Variants in KRABD3 observed in about 807,000 individuals in gnomAD.
The protein encoded by KRABD3 is KRAB domain-containing protein 3.
the KRABD3 span, among the ~76,000 whole-genome samples, chr7:149,728,984 AG>A: frequency 6.6e-6 from 1 of 152,150 alleles, no homozygotes; most frequent in Non-Finnish European, 1.5e-5. Flanking sequence ...CTCCAAGCCC[AG>A]GGGTCCACGC....
chr7:149,722,510 G>A, the KRABD3 span: 1 of 1,569,266 alleles, frequency 6.4e-7, no homozygotes, highest in Non-Finnish European at 8.7e-7. Flanking sequence ...GCCCCAGCAG[G>A]AGGAAGAGCC....
the KRABD3 span, chr7:149,715,145 C>G: frequency 1.6e-6 from 2 of 1,230,000 alleles, no homozygotes; most frequent in Admixed American, 4.2e-5. Context: ...TGGGACCCCC[C>G]CGCAACTTCG....
At chr7:149,725,331 C>T in the KRABD3 span, 3 of 1,593,190 alleles carry the variant, frequency 1.9e-6, no homozygotes, top group Non-Finnish European at 2.6e-6. Flanking sequence ...GTGCCTCAAG[C>T]TCACCGCTGG....
chr7:149,724,502 G>A, the KRABD3 span: 1 of 522,558 alleles, frequency 1.9e-6, no homozygotes, highest in Non-Finnish European at 3.2e-6. Context: ...GTCTCTGCTG[G>A]TGATTGACAA....
At chr7:149,722,751 A>G in the KRABD3 span, 2 of 1,578,596 alleles carry the variant, frequency 1.3e-6, no homozygotes, top group South Asian at 2.4e-5. Context: ...TCAGGACTGC[A>G]CTGACCCAGG....
At chr7:149,721,124 G>A in the KRABD3 span, 3 of 1,276,214 alleles carry the variant, frequency 2.4e-6, no homozygotes, top group African/African-American at 3.0e-5. Context: ...GTTCCTCGTG[G>A]CTAGGCCGTG....
chr7:149,714,953 C>A, the KRABD3 span: 1 of 1,006,014 alleles, frequency 9.9e-7, no homozygotes, highest in Non-Finnish European at 1.3e-6. Context: ...CCGGCCCCGC[C>A]TTCTCCTGCG....
chr7:149,721,978 G>T, the KRABD3 span: 49 of 368,660 alleles, frequency 1.3e-4, no homozygotes, highest in Non-Finnish European at 1.6e-4. Context: ...AATTTTGCAT[G>T]TCTGTTTTTA....
chr7:149,723,211 A>G, the KRABD3 span, among the ~76,000 whole-genome samples: 1 of 152,320 alleles, frequency 6.6e-6, no homozygotes, highest in African/African-American at 2.4e-5. Context: ...CCCGAGGGGA[A>G]GAGCTGCAGA....
chr7:149,733,793 G>T, the KRABD3 span: 1 of 1,603,090 alleles, frequency 6.2e-7, no homozygotes, highest in Non-Finnish European at 8.5e-7. Flanking sequence ...TGCGCCGCCT[G>T]CACACCCCCT....
At chr7:149,719,312 C>T in the KRABD3 span, 1 of 417,604 alleles carries the variant, frequency 2.4e-6, no homozygotes. The surrounding 1 kb of genome is among the most constrained non-coding windows in gnomAD (Gnocchi z 5.6). Context: ...TGCAGGGACT[C>T]TGTTTCTAAA....
the KRABD3 span, among the ~76,000 whole-genome samples, chr7:149,727,038 A>G: frequency 1.6e-4 from 24 of 152,250 alleles, no homozygotes; most frequent in Non-Finnish European, 7.3e-5. Flanking sequence ...GAAACATTTC[A>G]GCGTGTGCTT....
chr7:149,724,259 AC>A, the KRABD3 span, among the ~76,000 whole-genome samples: 1 of 151,982 alleles, frequency 6.6e-6, no homozygotes, highest in Non-Finnish European at 1.5e-5. Flanking sequence ...AGAGCTGGGA[AC>A]CCCAAATCCT....
chr7:149,730,337 C>G, the KRABD3 span: 2 of 1,542,588 alleles, frequency 1.3e-6, no homozygotes, highest in South Asian at 2.4e-5. Flanking sequence ...AGCCGCTCCC[C>G]CAGGGTGAGC....
At chr7:149,730,697 C>T in the KRABD3 span, 3 of 1,172,610 alleles carry the variant, frequency 2.6e-6, no homozygotes, top group Non-Finnish European at 3.5e-6. Flanking sequence ...ATTGGCCGTG[C>T]TTTAGTTCCC....
At chr7:149,722,965 T>TG in the KRABD3 span, 1 of 1,565,856 alleles carries the variant, frequency 6.4e-7, no homozygotes, top group African/African-American at 1.4e-5. Context: ...AGGTGAGTTC[T>TG]GGGGCCTCAG....
chr7:149,725,260 T>C, the KRABD3 span: 1 of 1,487,068 alleles, frequency 6.7e-7, no homozygotes, highest in Non-Finnish European at 9.0e-7. Context: ...AGGGGTCTGA[T>C]GGGCAAGGCT....
chr7:149,717,455 C>T, the KRABD3 span, among the ~76,000 whole-genome samples: 1 of 152,256 alleles, frequency 6.6e-6, no homozygotes, highest in East Asian at 1.9e-4. Flanking sequence ...GCTACATTTT[C>T]TCTGTTCCAA....
the KRABD3 span, among the ~76,000 whole-genome samples, chr7:149,731,332 T>C: frequency 2.6e-5 from 4 of 152,106 alleles, no homozygotes; most frequent in African/African-American, 9.7e-5. Flanking sequence ...TAGTGGAAAA[T>C]GGCAGAGTGG....
Sources: gnomAD v4.1 joint callset for allele counts (sites outside exome capture counted in the v4.1 genomes callset) on GRCh38, gnomAD v4.1.1 for gene constraint, Gnocchi (gnomAD v3.1) non-coding constraint, MANE v1.5 for transcripts, NCBI Gene and HGNC (gene_info 2026-07-23, HGNC 2026-07-21) for gene names.